The following ALCAM variants were observed in gnomAD, a reference collection of about 807,000 sequenced individuals.
The protein encoded by ALCAM is activated leukocyte cell adhesion molecule, also known as CD166 antigen.
A neutral mutation model predicts 70.9 loss-of-function variants in ALCAM; 30 were observed. The observed-to-expected ratio is 0.42, with a 90% CI of 0.32 to 0.57. The LOEUF is 0.57. Ranked by LOEUF, ALCAM falls within the 20% of genes least tolerant of loss-of-function variation. The pLI is 0.11. For missense variants in ALCAM, 591 were observed against 695.1 expected (o/e 0.85, Z 1.68); for synonymous variants, 249 against 242.5 (o/e 1.03, Z -0.25).
chr3:105,492,087 C>A (rs1938603794), intron 1 of ALCAM, among the ~76,000 whole-genome samples: 1 of 152,116 alleles, frequency 6.6e-6, no homozygotes, highest in African/African-American at 2.4e-5. Context: ...AGGGAACTTA[C>A]AATCATGGCA....
Position 105,431,142 on chromosome 3 carries a change from CA to C in ALCAM, c.73+63675del, listed in dbSNP as rs111778942. Among the ~76,000 whole-genome samples, 306 of 117,772 alleles carry C rather than the reference CA, an allele frequency of 2.6e-3. 1 individual carries two copies. Among genetic ancestry groups the C allele is most frequent in the East Asian group, 0.017 (66 of 3,908 alleles). The allele number at this position is 117,772 out of a possible 152,430, so 77.3% of individuals were successfully genotyped here. On this transcript the variant is annotated intron_variant, in intron 1 of 15. Transcript: ENST00000306107. Reference sequence around the variant, plus strand: ...AAATCCCCACTTATATCCTTCGAAACAAAAAAAAAAAAAAGAGGAGACATGG... The same window carrying C: ...AAATCCCCACTTATATCCTTCGAAACAAAAAAAAAAAAAGAGGAGACATGG...
At chr3:105,458,077 CA>C (rs1454919083) in intron 1 of ALCAM, among the ~76,000 whole-genome samples, 2 of 101,970 alleles carry the variant, frequency 2.0e-5, no homozygotes, top group African/African-American at 7.0e-5. Context: ...ACACACACTT[CA>C]GGGGAAAAAA....
At chr3:105,574,245 G>T (rs898207781) in intron 15 of ALCAM, among the ~76,000 whole-genome samples, 3 of 151,928 alleles carry the variant, frequency 2.0e-5, no homozygotes, top group Non-Finnish European at 4.4e-5. Flanking sequence ...AAAAAAACTT[G>T]TAATATTAGT....
chr3:105,370,180 A>G (rs1275154527), intron 1 of ALCAM, among the ~76,000 whole-genome samples: 2 of 152,358 alleles, frequency 1.3e-5, no homozygotes, highest in East Asian at 1.9e-4. Flanking sequence ...AAACATATCA[A>G]TTGATCTCAA....
At chr3:105,413,732 T>C (rs538468914) in intron 1 of ALCAM, among the ~76,000 whole-genome samples, 3 of 152,290 alleles carry the variant, frequency 2.0e-5, no homozygotes, top group East Asian at 3.9e-4. Flanking sequence ...GCTGCTGTTA[T>C]TGCAATGTGT....
chr3:105,494,337 G>A (rs1354581744), intron 1 of ALCAM, among the ~76,000 whole-genome samples: 2 of 152,040 alleles, frequency 1.3e-5, no homozygotes, highest in Admixed American at 1.3e-4. Flanking sequence ...TATTTTATAA[G>A]GGAAAAATAA....
chr3:105,459,640 T>C (rs1030157162), intron 1 of ALCAM, among the ~76,000 whole-genome samples: 5 of 152,106 alleles, frequency 3.3e-5, no homozygotes, highest in African/African-American at 1.2e-4. Context: ...GAGTTATTAC[T>C]CATGTGATAC....
intron 4 of ALCAM, among the ~76,000 whole-genome samples, chr3:105,532,936 A>T (rs1183336824): frequency 6.6e-6 from 1 of 152,178 alleles, no homozygotes; most frequent in Non-Finnish European, 1.5e-5. Flanking sequence ...ACATTAGCAG[A>T]TATGTGAAGG....
At chr3:105,492,559 T>C (rs1222350568) in intron 1 of ALCAM, among the ~76,000 whole-genome samples, 1 of 152,224 alleles carries the variant, frequency 6.6e-6, no homozygotes, top group Non-Finnish European at 1.5e-5. Context: ...CAAGATATCA[T>C]TAGTCTGTGC....
rs377120473 is a variant in ALCAM, at chr3:105,534,714, C to G, written c.599C>G (p.Thr200Ser). The G allele has an allele frequency of 4.3e-6, 7 of 1,613,810 alleles. No individual in the cohort carries two copies. Among genetic ancestry groups the G allele is most frequent in the Admixed American group, 1.7e-5 (1 of 59,990 alleles). ...KEMDPVTQLY[T>S]MTSTLEYKTT... ...ATGGACCCAGTGACTCAGCTCTATA[C>G]CATGACTTCCACCCTGGAGTACAAG... The change falls in exon 6 of 16, where the codon ACC becomes AGC. Residue 200 changes from threonine (T) to serine (S), a missense_variant. By Grantham distance (58) the Thr-to-Ser change is moderately conservative. Coordinates refer to ENST00000306107, the MANE Select transcript of ALCAM (RefSeq NM_001627.4).
intron 1 of ALCAM, among the ~76,000 whole-genome samples, chr3:105,450,578 T>C (rs1937402417): frequency 6.6e-6 from 1 of 152,184 alleles, no homozygotes; most frequent in Non-Finnish European, 1.5e-5. Context: ...ATAAGTCTCT[T>C]TGAGAAAACT....
intron 1 of ALCAM, among the ~76,000 whole-genome samples, chr3:105,385,532 T>G (rs1935630076): frequency 6.6e-6 from 1 of 151,664 alleles, no homozygotes; most frequent in Non-Finnish European, 1.5e-5. Flanking sequence ...GCCATGACGC[T>G]TAATTGATAA....
At chr3:105,383,941 T>C (rs1284876201) in intron 1 of ALCAM, among the ~76,000 whole-genome samples, 2 of 151,672 alleles carry the variant, frequency 1.3e-5, no homozygotes, top group Non-Finnish European at 3.0e-5. Context: ...GATCACGGCA[T>C]TTCTCATAAT....
chr3:105,458,135 T>C (rs886476495), intron 1 of ALCAM, among the ~76,000 whole-genome samples: 2 of 151,460 alleles, frequency 1.3e-5, no homozygotes, highest in Admixed American at 6.6e-5. Context: ...ACTTAACACC[T>C]GCAACTAGGG....
chr3:105,446,610 TACACACACACACACAC>T (rs59828133), intron 1 of ALCAM, among the ~76,000 whole-genome samples: 6 of 144,124 alleles, frequency 4.2e-5, no homozygotes, highest in South Asian at 2.3e-4. Flanking sequence ...AAATTTGGTG[TACACACACACACACAC>T]ACACACACAC....
At chr3:105,379,892 C>G (rs1935473162) in intron 1 of ALCAM, among the ~76,000 whole-genome samples, 1 of 151,636 alleles carries the variant, frequency 6.6e-6, no homozygotes, top group Non-Finnish European at 1.5e-5. Context: ...AGCCCCAGTT[C>G]TTAGTTCTTT....
chr3:105,440,126 C>T (rs1937139636), intron 1 of ALCAM, among the ~76,000 whole-genome samples: 1 of 152,082 alleles, frequency 6.6e-6, no homozygotes, highest in African/African-American at 2.4e-5. Flanking sequence ...CGTGATCAGG[C>T]TAAAGCTTTT....
At chr3:105,465,451 A>G (rs1937691310) in intron 1 of ALCAM, among the ~76,000 whole-genome samples, 1 of 151,464 alleles carries the variant, frequency 6.6e-6, no homozygotes, top group Non-Finnish European at 1.5e-5. Flanking sequence ...TAGTAAAAAT[A>G]TGTAGAGAAA....
At chr3:105,568,476 T>A (rs1316453748) in intron 14 of ALCAM, among the ~76,000 whole-genome samples, 1 of 152,142 alleles carries the variant, frequency 6.6e-6, no homozygotes, top group African/African-American at 2.4e-5. Flanking sequence ...ACTTCTGGCT[T>A]GGTGAAGTTC....
Sources: gnomAD v4.1 joint callset for allele counts (sites outside exome capture counted in the v4.1 genomes callset) on GRCh38, gnomAD v4.1.1 for gene constraint, MANE v1.5 for transcripts, NCBI Gene and HGNC (gene_info 2026-07-23, HGNC 2026-07-21) for gene names.